The following MGAT5B variants were observed in gnomAD, a reference collection of about 807,000 sequenced individuals.
MGAT5B encodes alpha-1,6-mannosylglycoprotein 6-beta-N-acetylglucosaminyltransferase B.
In MGAT5B, 54 loss-of-function variants were observed where a neutral mutation model predicts 95.1. The observed-to-expected ratio is 0.57, with a 90% confidence interval of 0.46 to 0.71. The LOEUF (loss-of-function observed/expected upper bound fraction) is 0.71. MGAT5B is among the 30% of genes least tolerant of loss of function. The pLI is 0.00. For synonymous variants in MGAT5B, 464 were observed against 451.0 expected (o/e 1.03, Z -0.36); for missense variants, 935 against 1,088.6 (o/e 0.86, Z 1.99).
intron 15 of MGAT5B, 129 bp from the exon 16 acceptor site, chr17:76,946,247 T>G (rs1599012746): frequency 1.5e-6 from 1 of 676,674 alleles, no homozygotes; most frequent in Non-Finnish European, 2.4e-6. Context: ...GTGGATGGGG[T>G]GGTCGGCTCC....
chr17:76,946,073 T>G (rs8068423), intron 15 of MGAT5B, among the ~76,000 whole-genome samples: 110,474 of 149,522 alleles, frequency 0.74, 40,877 homozygotes, highest in Non-Finnish European at 0.76. Context: ...CAAAGCCCAG[T>G]AGGGGACACA....
chr17:76,919,927 G>C (rs1969072747), intron 8 of MGAT5B, among the ~76,000 whole-genome samples: 1 of 152,176 alleles, frequency 6.6e-6, no homozygotes, highest in South Asian at 2.1e-4. Context: ...CCTGCCCCGA[G>C]AGGGTAGCTT....
intron 8 of MGAT5B, among the ~76,000 whole-genome samples, chr17:76,923,682 C>A (rs994857923): frequency 2.0e-5 from 3 of 152,242 alleles, no homozygotes; most frequent in Admixed American, 2.0e-4. Flanking sequence ...GGTGTACACA[C>A]CTCACACGGC....
chr17:76,906,164 A>G lies in MGAT5B; in HGVS notation c.1002A>G (p.Thr334=). 1 of 1,605,440 alleles carries G rather than the reference A, an allele frequency of 6.2e-7. No individual in the cohort carries two copies. Among genetic ancestry groups the G allele is most frequent in the South Asian group, 1.1e-5 (1 of 90,314 alleles). ...LYVLGHGLRV[T]VSLKELQSNL... ...TCCTGGGCCATGGCCTGCGGGTCAC[A>G]GTCTCCCTGAAGGAGCTGCAGAGGT... Residue 334 remains threonine (T), a synonymous_variant, in exon 8 of 18, where the codon ACA becomes ACG. Coordinates refer to ENST00000569840, the MANE Select transcript of MGAT5B (RefSeq NM_001199172.2). The surrounding 1 kb of genome is among the most constrained non-coding windows in gnomAD (Gnocchi z 4.6).
Position 76,928,157 on chromosome 17 carries a change from G to A in MGAT5B, c.1291+1427G>A, listed in dbSNP as rs548831765. ...GAGAAAACTGAGGCCCAGAGAGGTA[G>A]AGCATGCAGCCTGAGGTCACACAGC... On this transcript the variant is annotated intron_variant, in intron 10 of 17. Transcript: ENST00000569840. 3.3e-5 allele frequency among the ~76,000 whole-genome samples: 5 copies of A among 152,248 alleles called. No individual in the cohort carries two copies. In the East Asian group the frequency reaches 9.7e-4, roughly 29 times the overall value.
At chr17:76,884,858 T>A (rs1368073609) in intron 3 of MGAT5B, among the ~76,000 whole-genome samples, 1 of 152,138 alleles carries the variant, frequency 6.6e-6, no homozygotes, top group Non-Finnish European at 1.5e-5. Flanking sequence ...TGCCTCGGCT[T>A]CCCAAAGTGC....
intron 3 of MGAT5B, among the ~76,000 whole-genome samples, chr17:76,895,497 C>T (rs976118123): frequency 6.6e-6 from 1 of 152,162 alleles, no homozygotes; most frequent in Non-Finnish European, 1.5e-5. Context: ...GATCGTTTCA[C>T]AGTTCTGGAG....
At chr17:76,945,145 G>T (rs1053394697) in intron 15 of MGAT5B, among the ~76,000 whole-genome samples, 17 of 151,098 alleles carry the variant, frequency 1.1e-4, no homozygotes, top group Admixed American at 5.3e-4. Flanking sequence ...AACAGGAAGG[G>T]GTTGGTTGGT....
In MGAT5B at chr17:76,917,373, C is replaced by T. The variant is rs1968975629; in HGVS notation, c.1026-7593C>T. Among the ~76,000 whole-genome samples the T allele has an allele frequency of 6.6e-6, 1 of 152,030 alleles. No homozygotes were observed. Among genetic ancestry groups the T allele is most frequent in the African/African-American group, 2.4e-5 (1 of 41,370 alleles). ...TCCCACAGCAGGTATCTCGTCACCC[C>T]AGTCCAGCATACATTTATCACTTTG... On this transcript the variant is annotated intron_variant, in intron 8 of 17. Transcript: ENST00000569840. The surrounding 1 kb of genome is among the most constrained non-coding windows in gnomAD (Gnocchi z 6.1).
intron 11 of MGAT5B, 108 bp from the exon 12 acceptor site, chr17:76,933,184 G>C: frequency 7.1e-7 from 1 of 1,407,368 alleles, no homozygotes. Flanking sequence ...CCATCTTCAG[G>C]GTTGGGGGCC....
rs1300193434 is a variant in MGAT5B, at chr17:76,870,767, T to C, written c.68+1670T>C. Among the ~76,000 whole-genome samples, 1 of 152,096 alleles carries C rather than the reference T, an allele frequency of 6.6e-6. No individual in the cohort carries two copies. The stretch of plus-strand genomic sequence containing the variant: ...TGAGGTGGGGGGCAGGCTGCAATCA[T>C]AGCACCCCAGCTTATTCATCCTCAA... On this transcript the variant is annotated intron_variant, in intron 1 of 17. Coordinates refer to ENST00000569840, the MANE Select transcript of MGAT5B (RefSeq NM_001199172.2). The surrounding 1 kb of genome is among the most constrained non-coding windows in gnomAD (Gnocchi z 5.0).
chr17:76,916,303 G>T lies in MGAT5B; in HGVS notation c.1026-8663G>T, dbSNP rs936294547. On this transcript the variant is annotated intron_variant, in intron 8 of 17. Transcript: ENST00000569840. This position sits in a 1 kb window ranked among gnomAD's most constrained non-coding sequence, Gnocchi z 5.3. ...GTCACAGGGAGTCTGTTTCTTGCAAGTCAAGGCCCCCCGGCCAAGTCTGAA... is the reference window on the plus strand; with the variant it reads ...GTCACAGGGAGTCTGTTTCTTGCAATTCAAGGCCCCCCGGCCAAGTCTGAA... Among the ~76,000 whole-genome samples the T allele has an allele frequency of 4.6e-5, 7 of 152,276 alleles. No individual in the cohort carries two copies. Among genetic ancestry groups the T allele is most frequent in the African/African-American group, 1.7e-4 (7 of 41,472 alleles).
chr17:76,910,324 G>A (rs1179262309), intron 8 of MGAT5B, among the ~76,000 whole-genome samples: 2 of 152,202 alleles, frequency 1.3e-5, no homozygotes, highest in Admixed American at 1.3e-4. Context: ...AATATGCATC[G>A]ATGCTGTCTG....
chr17:76,869,257 G>C lies in MGAT5B; in HGVS notation c.68+160G>C, dbSNP rs952284313. ...GGGCTGGGCTGGGGGAACGGATGGC[G>C]TTGGGGTTCGGGGTGCGGATGGGGA... On this transcript the variant is annotated intron_variant, in intron 1 of 17. Coordinates refer to ENST00000569840, the MANE Select transcript of MGAT5B (RefSeq NM_001199172.2). The surrounding 1 kb of genome is among the most constrained non-coding windows in gnomAD (Gnocchi z 7.0). Among the ~76,000 whole-genome samples, 1 of 151,816 alleles carries C rather than the reference G, an allele frequency of 6.6e-6. No individual in the cohort carries two copies. The highest frequency in any genetic ancestry group is 1.5e-5 in the Non-Finnish European group (1 of 67,946).
intron 2 of MGAT5B, among the ~76,000 whole-genome samples, chr17:76,875,326 G>A (rs1967146057): frequency 6.6e-6 from 1 of 152,158 alleles, no homozygotes; most frequent in Admixed American, 6.5e-5. Context: ...CTGTTCTTGT[G>A]ATGGTCAGTG....
Position 76,926,697 on chromosome 17 carries a change from A to G in MGAT5B, c.1258A>G (p.Asn420Asp). 6.2e-7 allele frequency: 1 copy of G among 1,612,758 alleles called. No individual in the cohort carries two copies. Among genetic ancestry groups the G allele is most frequent in the Non-Finnish European group, 8.5e-7 (1 of 1,179,932 alleles). Residue 420 changes from asparagine to aspartate, a missense_variant, in exon 10 of 18, where the codon AAC becomes GAC. Physicochemically the swap from Asn to Asp is conservative, Grantham distance 23 (BLOSUM62 1). This residue lies in a region of MGAT5B where 440 missense variants were observed against 523.6 expected (regional missense o/e 0.84). Transcript: ENST00000569840. ...CTACCGGACCAACTGGGGCTACTGG[A>G]ACCTCAACCCCAAGCAGTTCATGAC... ...HGYRTNWGYW[N>D]LNPKQFMTMF...
At chr17:76,919,189 T>C (rs1225678297) in intron 8 of MGAT5B, among the ~76,000 whole-genome samples, 3 of 152,112 alleles carry the variant, frequency 2.0e-5, no homozygotes, top group African/African-American at 2.4e-5. Flanking sequence ...TAAGTGAAGG[T>C]TTATTTTTCT....
chr17:76,913,326 C>G (rs548450612), intron 8 of MGAT5B, among the ~76,000 whole-genome samples: 1 of 152,246 alleles, frequency 6.6e-6, no homozygotes, highest in Non-Finnish European at 1.5e-5. Flanking sequence ...ATGACTGGCA[C>G]AGACTGATCT....
intron 10 of MGAT5B, among the ~76,000 whole-genome samples, chr17:76,932,096 T>TTCTTCGTCTTTG (rs1567820657): frequency 1.3e-5 from 1 of 77,572 alleles, no homozygotes; most frequent in Non-Finnish European, 2.5e-5. Context: ...CCCCCCCCCC[T>TTCTTCGTCTTTG]TCTTCGTCTT....
Sources: allele counts gnomAD v4.1 joint callset (sites outside exome capture counted in the v4.1 genomes callset), GRCh38; gene constraint gnomAD v4.1.1; regional missense constraint gnomAD v4.1.1; non-coding constraint Gnocchi (gnomAD v3.1); transcripts MANE v1.5; gene names NCBI Gene and HGNC (gene_info 2026-07-23, HGNC 2026-07-21).